NFIB: variants seen among roughly 807,000 people sequenced by gnomAD.
NFIB encodes the protein nuclear factor I B.
In NFIB, 11 loss-of-function variants were observed where a neutral mutation model predicts 61.5. The observed-to-expected ratio is 0.18, with a 90% CI of 0.11 to 0.30. NFIB has a LOEUF of 0.30. Ranked by LOEUF, NFIB falls within the 10% of genes least tolerant of loss-of-function variation. The pLI, the probability that NFIB is intolerant of heterozygous loss-of-function variation, is 1.00. For synonymous variants in NFIB, 260 were observed against 216.5 expected (o/e 1.20, Z -1.76); for missense variants, 471 against 608.9 (o/e 0.77, Z 2.38).
chr9:14,170,992 A>C (rs2045506310), intron 3 of NFIB, among the ~76,000 whole-genome samples: 1 of 152,152 alleles, frequency 6.6e-6, no homozygotes, highest in Non-Finnish European at 1.5e-5. Flanking sequence ...CGAGACCTTA[A>C]AATACCGTTG....
At chr9:14,489,414 G>A in the NFIB span, among the ~76,000 whole-genome samples, 1 of 152,194 alleles carries the variant, frequency 6.6e-6, no homozygotes, top group South Asian at 2.1e-4. Context: ...GGCTATTTGT[G>A]TGCCTTTCTT....
intron 2 of NFIB, among the ~76,000 whole-genome samples, chr9:14,305,426 A>G (rs1451726858): frequency 6.6e-6 from 1 of 152,222 alleles, no homozygotes. Flanking sequence ...AGCCCACCTT[A>G]AAGTGTCACC....
the NFIB span, among the ~76,000 whole-genome samples, chr9:14,426,410 T>C: frequency 6.6e-6 from 1 of 152,202 alleles, no homozygotes; most frequent in African/African-American, 2.4e-5. Flanking sequence ...AGTGAACTGA[T>C]TTGCATGTCT....
At chr9:14,352,387 G>A (rs139547237) in intron 1 of NFIB, among the ~76,000 whole-genome samples, 113 of 151,550 alleles carry the variant, frequency 7.5e-4, no homozygotes, top group African/African-American at 2.6e-3. Flanking sequence ...AGCACTTCCC[G>A]GTACTCTACA....
intron 10 of NFIB, among the ~76,000 whole-genome samples, chr9:14,103,550 T>G (rs2036084921): frequency 6.6e-6 from 1 of 152,208 alleles, no homozygotes; most frequent in Non-Finnish European, 1.5e-5. Context: ...TAAACTATTT[T>G]AAACATTTCT....
At chr9:14,131,030 G>A (rs143546781) in intron 6 of NFIB, among the ~76,000 whole-genome samples, 119 of 151,880 alleles carry the variant, frequency 7.8e-4, no homozygotes, top group African/African-American at 2.8e-3. Context: ...ATTAAAGACA[G>A]AAATGCATTA....
intron 6 of NFIB, among the ~76,000 whole-genome samples, chr9:14,127,094 T>C (rs1278294894): frequency 6.6e-6 from 1 of 152,210 alleles, no homozygotes; most frequent in Non-Finnish European, 1.5e-5. Context: ...TCATGAGAGC[T>C]TGAAATAAGA....
At chr9:14,316,524 T>G (rs1267303385), upstream of NFIB, among the ~76,000 whole-genome samples, 1 of 152,252 alleles carries the variant, frequency 6.6e-6, no homozygotes, top group Non-Finnish European at 1.5e-5. Flanking sequence ...TCTGACAACG[T>G]TAATTTCCTT....
intron 8 of NFIB, among the ~76,000 whole-genome samples, chr9:14,116,672 G>T (rs2119096436): frequency 6.6e-6 from 1 of 152,340 alleles, no homozygotes; most frequent in Non-Finnish European, 1.5e-5. Flanking sequence ...TAGCCCAAAG[G>T]CTAAAATGGA....
chr9:14,373,563 A>G (rs149787039), intron 1 of NFIB, among the ~76,000 whole-genome samples: 32 of 152,120 alleles, frequency 2.1e-4, no homozygotes, highest in African/African-American at 6.7e-4. Flanking sequence ...ATGTCATTAC[A>G]TGCTCCAAAA....
chr9:14,165,614 A>G (rs1200061988), intron 3 of NFIB, among the ~76,000 whole-genome samples: 1 of 152,202 alleles, frequency 6.6e-6, no homozygotes, highest in African/African-American at 2.4e-5. Context: ...GACAAAGCAA[A>G]TAATACAGAC....
intron 2 of NFIB, among the ~76,000 whole-genome samples, chr9:14,269,850 T>G (rs2057473432): frequency 6.6e-6 from 1 of 152,120 alleles, no homozygotes; most frequent in South Asian, 2.1e-4. Flanking sequence ...GGCAAGCAAA[T>G]TTGCTTTCTC....
rs144825180 is a variant in NFIB at position 14,334,388 on chromosome 9, T to C, written c.109-26868A>G. On this transcript the variant is annotated intron_variant, in intron 1 of 8. Transcript: ENST00000380934. ...TTCATCAAGACTATATTCCAACGTA[T>C]AGCAATATTTCCATGTGGTTTTAAT... 2.8e-3 allele frequency among the ~76,000 whole-genome samples: 424 copies of C among 152,352 alleles called. 2 individuals carry two copies. Among genetic ancestry groups the C allele is most frequent in the African/African-American group, 9.7e-3 (404 of 41,594 alleles).
At chr9:14,401,331 T>C (rs972450961), upstream of NFIB, among the ~76,000 whole-genome samples, 2 of 152,178 alleles carry the variant, frequency 1.3e-5, no homozygotes, top group Non-Finnish European at 2.9e-5. Context: ...GAAATCAATC[T>C]TGTGGCACAG....
At chr9:14,347,834 G>A (rs1195081304) in intron 1 of NFIB, among the ~76,000 whole-genome samples, 1 of 152,192 alleles carries the variant, frequency 6.6e-6, no homozygotes, top group Non-Finnish European at 1.5e-5. Context: ...GCCAAGGCGG[G>A]ATTAGATTCT....
At chr9:14,377,662 CA>C (rs942043203) in intron 1 of NFIB, among the ~76,000 whole-genome samples, 1 of 152,132 alleles carries the variant, frequency 6.6e-6, no homozygotes, top group Non-Finnish European at 1.5e-5. Context: ...AAGGTTATAG[CA>C]GCCTAGGGCT....
intron 2 of NFIB, among the ~76,000 whole-genome samples, chr9:14,280,902 A>C (rs145922573): frequency 0.015 from 2,243 of 152,272 alleles, 53 homozygotes; most frequent in African/African-American, 0.05. Context: ...TGATCATTTA[A>C]AAAATAAGAC....
At chr9:14,342,577 A>G (rs542639981) in intron 1 of NFIB, among the ~76,000 whole-genome samples, 4 of 152,334 alleles carry the variant, frequency 2.6e-5, no homozygotes, top group African/African-American at 7.2e-5. Context: ...CATGCCAGAC[A>G]TTACTTTTGG....
chr9:14,266,747 T>A (rs7872224), intron 2 of NFIB, among the ~76,000 whole-genome samples: 124,695 of 152,010 alleles, frequency 0.82, 53,119 homozygotes, highest in Non-Finnish European at 0.95. Context: ...ACCCTCTACA[T>A]CTATCATCAC....
Sources: gnomAD v4.1 joint callset for allele counts (sites outside exome capture counted in the v4.1 genomes callset) on GRCh38, gnomAD v4.1.1 for gene constraint, MANE v1.5 for transcripts, NCBI Gene and HGNC (gene_info 2026-07-23, HGNC 2026-07-21) for gene names.